Variants in MDGA2 observed in about 807,000 individuals in gnomAD.
The protein encoded by MDGA2 is MAM domain containing glycosylphosphatidylinositol anchor 2.
In MDGA2, 40 loss-of-function variants were observed where a neutral mutation model predicts 117.8. That is an observed-to-expected ratio of 0.34 (90% CI 0.26 to 0.44). The LOEUF is 0.44. Among genes scored for constraint, MDGA2 ranks in the 20% least tolerant of loss-of-function variants. The pLI is 1.00. For synonymous variants in MDGA2, 452 were observed against 439.0 expected (o/e 1.03, Z -0.37); for missense variants, 1,123 against 1,250.6 (o/e 0.90, Z 1.54).
chr14:47,629,209 TGTG>T (rs1897209375), intron 1 of MDGA2, among the ~76,000 whole-genome samples: 1 of 152,228 alleles, frequency 6.6e-6, no homozygotes, highest in Non-Finnish European at 1.5e-5. Context: ...ATATCTGTGT[TGTG>T]GGGATGTACA....
intron 1 of MDGA2, among the ~76,000 whole-genome samples, chr14:47,310,798 A>C (rs1889609566): frequency 6.6e-6 from 1 of 152,124 alleles, no homozygotes; most frequent in African/African-American, 2.4e-5. Context: ...AAAACAATGG[A>C]GCTTACCTCT....
intron 1 of MDGA2, among the ~76,000 whole-genome samples, chr14:47,632,500 G>A (rs1897259689): frequency 6.6e-6 from 1 of 152,104 alleles, no homozygotes; most frequent in African/African-American, 2.4e-5. Context: ...GAGAAACATT[G>A]TAAAAAGCAA....
At chr14:47,122,752 G>C (rs188985812) in intron 5 of MDGA2, among the ~76,000 whole-genome samples, 253 of 151,998 alleles carry the variant, frequency 1.7e-3, no homozygotes, top group Middle Eastern at 3.4e-3. Flanking sequence ...GCAATTCTTA[G>C]TATTTCACTA....
intron 1 of MDGA2, among the ~76,000 whole-genome samples, chr14:47,662,478 T>C (rs1049446264): frequency 6.4e-5 from 8 of 124,772 alleles, no homozygotes; most frequent in Admixed American, 1.8e-4. Flanking sequence ...GTCAAAGTAC[T>C]TCTTTGCATA....
intron 7 of MDGA2, among the ~76,000 whole-genome samples, chr14:47,057,363 T>C (rs1227958464): frequency 2.0e-5 from 3 of 152,068 alleles, no homozygotes; most frequent in Non-Finnish European, 4.4e-5. Flanking sequence ...ATGATTTAGA[T>C]TGTAAGCTCC....
chr14:46,842,427 A>T (rs1880654267), intron 16 of MDGA2, among the ~76,000 whole-genome samples: 1 of 152,150 alleles, frequency 6.6e-6, no homozygotes, highest in Admixed American at 6.6e-5. Flanking sequence ...CTGAAAGAAA[A>T]TCTATCTTAA....
At chr14:47,655,616 A>AG (rs1196395233) in intron 1 of MDGA2, among the ~76,000 whole-genome samples, 4 of 152,154 alleles carry the variant, frequency 2.6e-5, no homozygotes, top group Non-Finnish European at 5.9e-5. Context: ...CTTTCCAAAG[A>AG]GAAAGACAAA....
intron 8 of MDGA2, among the ~76,000 whole-genome samples, chr14:47,003,428 A>G (rs1887600500): frequency 6.6e-6 from 1 of 152,144 alleles, no homozygotes; most frequent in Admixed American, 6.6e-5. Flanking sequence ...ATTCTTCAAC[A>G]GCAGAGCATG....
At chr14:46,949,605 A>G (rs1885296807) in intron 9 of MDGA2, among the ~76,000 whole-genome samples, 1 of 151,878 alleles carries the variant, frequency 6.6e-6, no homozygotes, top group African/African-American at 2.4e-5. Flanking sequence ...GAGAACACTG[A>G]GTTTTGATTT....
chr14:47,441,415 T>A (rs1281551298), intron 1 of MDGA2, among the ~76,000 whole-genome samples: 1 of 152,170 alleles, frequency 6.6e-6, no homozygotes, highest in Non-Finnish European at 1.5e-5. Context: ...TTGCTCAAAA[T>A]GCACATTTGT....
intron 10 of MDGA2, among the ~76,000 whole-genome samples, chr14:46,901,304 G>A (rs1282372512): frequency 6.6e-6 from 1 of 151,968 alleles, no homozygotes; most frequent in Non-Finnish European, 1.5e-5. Context: ...TGCACGTTGT[G>A]CACATGTACC....
At chr14:46,950,312 C>T (rs1885325769) in intron 9 of MDGA2, among the ~76,000 whole-genome samples, 1 of 151,788 alleles carries the variant, frequency 6.6e-6, no homozygotes, top group African/African-American at 2.4e-5. Flanking sequence ...TGATATGTGT[C>T]AAAAAGAGTT....
At chr14:46,908,920 G>T (rs1043331622) in intron 10 of MDGA2, among the ~76,000 whole-genome samples, 100 of 152,260 alleles carry the variant, frequency 6.6e-4, no homozygotes, top group African/African-American at 2.2e-3. Flanking sequence ...TAATGAACAT[G>T]TGGGAAATGT....
chr14:47,245,948 G>T (rs2139622334), intron 2 of MDGA2, among the ~76,000 whole-genome samples: 1 of 151,526 alleles, frequency 6.6e-6, no homozygotes, highest in African/African-American at 2.4e-5. Flanking sequence ...ACCTCTTTTT[G>T]CAGACGAAGA....
intron 1 of MDGA2, among the ~76,000 whole-genome samples, chr14:47,460,142 T>G (rs1893452186): frequency 1.3e-5 from 2 of 152,304 alleles, no homozygotes; most frequent in South Asian, 4.1e-4. Context: ...TTATTAAAAT[T>G]GACTCCTAAA....
At chr14:47,119,729 G>T (rs1881550597) in intron 5 of MDGA2, among the ~76,000 whole-genome samples, 1 of 152,136 alleles carries the variant, frequency 6.6e-6, no homozygotes, top group Admixed American at 6.5e-5. Flanking sequence ...AGAATAGAAA[G>T]AATTTAGTCT....
chr14:47,465,793 C>A (rs975756327), intron 1 of MDGA2, among the ~76,000 whole-genome samples: 1 of 152,200 alleles, frequency 6.6e-6, no homozygotes, highest in East Asian at 1.9e-4. Context: ...GAGCTAAAAG[C>A]AGCATTATCA....
At chr14:47,297,735 CA>C (rs962992636) in intron 2 of MDGA2, among the ~76,000 whole-genome samples, 8 of 152,060 alleles carry the variant, frequency 5.3e-5, no homozygotes, top group African/African-American at 1.7e-4. Flanking sequence ...GGCTAATTAA[CA>C]GAGATGTAAA....
intron 1 of MDGA2, among the ~76,000 whole-genome samples, chr14:47,519,216 AAAAC>A (rs1471336674): frequency 2.6e-5 from 4 of 152,166 alleles, no homozygotes; most frequent in Admixed American, 1.3e-4. Flanking sequence ...AAAACAAAAC[AAAAC>A]AAACAAACAA....
Sources: gnomAD v4.1 joint callset for allele counts (sites outside exome capture counted in the v4.1 genomes callset) on GRCh38, gnomAD v4.1.1 for gene constraint, MANE v1.5 for transcripts, NCBI Gene and HGNC (gene_info 2026-07-23, HGNC 2026-07-21) for gene names.